Variants in PTPRM observed in about 807,000 individuals in gnomAD.
The protein encoded by PTPRM is receptor-type tyrosine-protein phosphatase mu.
A neutral mutation model predicts 186.7 loss-of-function variants in PTPRM; 47 were observed. The observed-to-expected ratio is 0.25, with a 90% CI of 0.20 to 0.32. The LOEUF (loss-of-function observed/expected upper bound fraction) is 0.32. PTPRM is among the 10% of genes least tolerant of loss of function. The pLI is 1.00. For synonymous variants in PTPRM, 668 were observed against 674.9 expected, an observed-to-expected ratio of 0.99 and a Z score of 0.16; for missense variants, 1,494 against 1,865.0, an observed-to-expected ratio of 0.80 and a Z score of 3.66.
intron 1 of PTPRM, among the ~76,000 whole-genome samples, chr18:7,712,322 GA>G (rs572170741): frequency 6.6e-6 from 1 of 152,088 alleles, no homozygotes; most frequent in South Asian, 2.1e-4. Context: ...CAACATCAAG[GA>G]AAAGGACATC....
intron 1 of PTPRM, among the ~76,000 whole-genome samples, chr18:7,714,880 C>T (rs2040291175): frequency 6.6e-6 from 1 of 152,116 alleles, no homozygotes; most frequent in Non-Finnish European, 1.5e-5. Context: ...AATTAATTGC[C>T]TACCAACCAA....
At chr18:8,039,616 G>A (rs941782445) in intron 7 of PTPRM, among the ~76,000 whole-genome samples, 5 of 152,182 alleles carry the variant, frequency 3.3e-5, no homozygotes, top group African/African-American at 7.2e-5. Context: ...GAATGGCTAC[G>A]TTAAGCAAAA....
At chr18:8,173,428 TA>T (rs1258733203) in intron 14 of PTPRM, among the ~76,000 whole-genome samples, 1 of 152,136 alleles carries the variant, frequency 6.6e-6, no homozygotes, top group African/African-American at 2.4e-5. Flanking sequence ...GTCAGACAAA[TA>T]ATATGAGTCA....
chr18:8,055,484 T>C (rs1405510192), intron 7 of PTPRM, among the ~76,000 whole-genome samples: 3 of 152,222 alleles, frequency 2.0e-5, no homozygotes, highest in African/African-American at 7.2e-5. Flanking sequence ...GTGTTTTTAT[T>C]TCTAAAAGTT....
Position 7,806,373 on chromosome 18 carries a change from G to A in PTPRM, c.196+32102G>A, listed in dbSNP as rs137979567. 2.2e-3 allele frequency among the ~76,000 whole-genome samples: 341 copies of A among 152,134 alleles called. 3 individuals carry two copies. Among genetic ancestry groups the A allele is most frequent in the Non-Finnish European group, 3.4e-3 (233 of 68,010 alleles). On this transcript the variant is annotated intron_variant, in intron 2 of 32. Coordinates refer to ENST00000580170, the MANE Select transcript of PTPRM (RefSeq NM_001105244.2). ...TGCAAGCATATTAGAAAATCCACTGGGTGATAGCTAGTCAGCAGACACAGA... is the reference window on the plus strand; with the variant it reads ...TGCAAGCATATTAGAAAATCCACTGAGTGATAGCTAGTCAGCAGACACAGA...
chr18:7,881,556 C>G (rs940561528), intron 2 of PTPRM, among the ~76,000 whole-genome samples: 2 of 152,188 alleles, frequency 1.3e-5, no homozygotes, highest in African/African-American at 4.8e-5. Flanking sequence ...TTTGCATTCC[C>G]CTTGGCCCTA....
chr18:8,179,492 A>G (rs888681391), intron 14 of PTPRM, among the ~76,000 whole-genome samples: 44 of 137,274 alleles, frequency 3.2e-4, no homozygotes, highest in Non-Finnish European at 6.4e-4. Context: ...TTTTTTTTAG[A>G]TGGCGCCTTG....
At chr18:8,158,811 G>T (rs77586686) in intron 14 of PTPRM, among the ~76,000 whole-genome samples, 2 of 152,154 alleles carry the variant, frequency 1.3e-5, no homozygotes, top group African/African-American at 4.8e-5. Context: ...GCACGAGAGC[G>T]AGCGGGAGGG....
intron 8 of PTPRM, among the ~76,000 whole-genome samples, chr18:8,072,766 G>A (rs1489484818): frequency 1.3e-5 from 2 of 152,030 alleles, no homozygotes; most frequent in Non-Finnish European, 2.9e-5. Flanking sequence ...ATACAGCCCA[G>A]GGATAAGTTG....
chr18:8,366,686 G>A (rs975452761), intron 23 of PTPRM, among the ~76,000 whole-genome samples: 2 of 152,210 alleles, frequency 1.3e-5, no homozygotes, highest in Non-Finnish European at 2.9e-5. Context: ...CACCCCTTTG[G>A]AGCAGGGACC....
At chr18:8,344,430 A>G (rs867646135) in intron 23 of PTPRM, among the ~76,000 whole-genome samples, 1,139 of 110,788 alleles carry the variant, frequency 0.01, 28 homozygotes, top group African/African-American at 0.031. Context: ...AGATATATAT[A>G]TGTGTGTGTG....
intron 15 of PTPRM, among the ~76,000 whole-genome samples, chr18:8,247,107 GT>G (rs34228064): frequency 0.61 from 92,734 of 151,686 alleles, 28,980 homozygotes; most frequent in Middle Eastern, 0.74. Context: ...ATTTGAAGAG[GT>G]TTTTTTTTAC....
intron 2 of PTPRM, among the ~76,000 whole-genome samples, chr18:7,875,834 AT>A (rs914211157): frequency 1.6e-4 from 24 of 151,880 alleles, no homozygotes; most frequent in Admixed American, 2.6e-4. Context: ...TCGTCAGGCG[AT>A]TTTTTTTCAT....
intron 2 of PTPRM, among the ~76,000 whole-genome samples, chr18:7,777,277 C>T (rs992550603): frequency 6.6e-6 from 1 of 151,998 alleles, no homozygotes; most frequent in Admixed American, 6.6e-5. Flanking sequence ...AAATCCAGCT[C>T]GCTGCTAGTT....
At chr18:7,736,405 C>A (rs192019946) in intron 1 of PTPRM, among the ~76,000 whole-genome samples, 1 of 152,100 alleles carries the variant, frequency 6.6e-6, no homozygotes, top group Non-Finnish European at 1.5e-5. Flanking sequence ...CTGCAACCTC[C>A]GCCTTCTGGG....
chr18:7,708,404 A>G (rs138257993), intron 1 of PTPRM, among the ~76,000 whole-genome samples: 82 of 152,330 alleles, frequency 5.4e-4, no homozygotes, highest in African/African-American at 1.9e-3. Flanking sequence ...GTAATTTGCT[A>G]TAGATTACTA....
intron 13 of PTPRM, among the ~76,000 whole-genome samples, chr18:8,117,880 A>G (rs2092015316): frequency 6.6e-6 from 1 of 152,218 alleles, no homozygotes; most frequent in African/African-American, 2.4e-5. Flanking sequence ...AAAATCTATG[A>G]AATTGTATTT....
chr18:8,303,784 G>A (rs1406879706), intron 20 of PTPRM, among the ~76,000 whole-genome samples: 1 of 152,090 alleles, frequency 6.6e-6, no homozygotes, highest in Admixed American at 6.5e-5. Context: ...CTCAGAACCT[G>A]CATGGCAGAG....
chr18:8,212,316 G>T (rs1165891994), intron 14 of PTPRM, among the ~76,000 whole-genome samples: 2 of 152,172 alleles, frequency 1.3e-5, no homozygotes, highest in African/African-American at 4.8e-5. Context: ...GGCAATACAG[G>T]TGTGGCCTGC....
Sources: gnomAD v4.1 joint callset for allele counts (sites outside exome capture counted in the v4.1 genomes callset) on GRCh38, gnomAD v4.1.1 for gene constraint, MANE v1.5 for transcripts, NCBI Gene and HGNC (gene_info 2026-07-23, HGNC 2026-07-21) for gene names.